The following JPT2 variants were observed in gnomAD, a reference collection of about 807,000 sequenced individuals.
JPT2 encodes the protein CRAMP_1 like.
JPT2 carries 9 observed loss-of-function variants against 15.9 expected under a neutral mutation model. The ratio of observed to expected loss-of-function variants is 0.57; its 90% CI spans 0.34 to 0.99. The LOEUF (loss-of-function observed/expected upper bound fraction) is 0.99, where lower values mean the gene tolerates loss of function less well. Among genes scored for constraint, JPT2 ranks in the 50% least tolerant of loss-of-function variants. The pLI, the probability that JPT2 is intolerant of heterozygous loss-of-function variation, is 0.02. For synonymous variants in JPT2, 95 were observed against 91.7 expected, an observed-to-expected ratio of 1.04 and a Z score of -0.21; for missense variants, 267 against 252.1, an observed-to-expected ratio of 1.06 and a Z score of -0.40.
chr16:1,678,731 C>T (rs983243769), intron 1 of JPT2, among the ~76,000 whole-genome samples: 2 of 150,904 alleles, frequency 1.3e-5, no homozygotes, highest in Non-Finnish European at 2.9e-5. Context: ...CCCGTGGGTG[C>T]GGCCCATTTT....
intron 2 of JPT2, among the ~76,000 whole-genome samples, chr16:1,691,581 C>T (rs997402475): frequency 6.6e-6 from 1 of 152,092 alleles, no homozygotes; most frequent in East Asian, 1.9e-4. Context: ...CAGTTTGATG[C>T]CATCTCACCT....
At chr16:1,695,506 A>G (rs1204022965) in intron 3 of JPT2, among the ~76,000 whole-genome samples, 1 of 151,828 alleles carries the variant, frequency 6.6e-6, no homozygotes, top group Non-Finnish European at 1.5e-5. Flanking sequence ...CAGTTGTTCA[A>G]GGCTGCAGAG....
chr16:1,693,727 C>G (rs1206741761), intron 3 of JPT2, among the ~76,000 whole-genome samples: 4 of 151,432 alleles, frequency 2.6e-5, no homozygotes, highest in Non-Finnish European at 5.9e-5. Flanking sequence ...AGAGAAATGA[C>G]TAATTCCAGG....
chr16:1,694,644 C>T (rs1433944105), intron 3 of JPT2, among the ~76,000 whole-genome samples: 1 of 151,968 alleles, frequency 6.6e-6, no homozygotes, highest in African/African-American at 2.4e-5. Flanking sequence ...GACACACTGA[C>T]CAGTGGAGTC....
rs964473868 is a variant in JPT2, at chr16:1,683,406, C to G, written c.45-2033C>G. The G allele has an allele frequency of 8.6e-5, 63 of 736,300 alleles. 1 individual carries two copies. In the South Asian group the frequency reaches 1.0e-3, roughly 12 times the overall value. The allele number at this position is 736,300 out of a possible 1,614,324, so 45.6% of individuals were successfully genotyped here. ...GATTACAGGTGCCAGGTACTGCTCC[C>G]GGACAGCCCTTTCTCATTTAAGCTT... On this transcript the variant is annotated intron_variant, in intron 1 of 4. Transcript: ENST00000248098.
Position 1,685,526 on chromosome 16 carries a change from A to C in JPT2, c.132A>C (p.Ala44=), listed in dbSNP as rs140567985. 1 of 1,614,164 alleles carries C rather than the reference A, an allele frequency of 6.2e-7. No homozygotes were observed. Among genetic ancestry groups the C allele is most frequent in the Non-Finnish European group, 8.5e-7 (1 of 1,180,038 alleles). ...ATPSSRPNRM[A]SNIFGPTEEP... ...CTTCCAGCAGGCCTAATAGGATGGC[A>C]TCTAATATTTTTGGACCAACAGAAG... The change falls in exon 2 of 5, where the codon GCA becomes GCC. Residue 44 remains alanine (A), a synonymous_variant. Coordinates refer to ENST00000248098, the MANE Select transcript of JPT2 (RefSeq NM_144570.3).
chr16:1,696,074 C>T (rs999977810), intron 3 of JPT2, among the ~76,000 whole-genome samples: 1 of 151,520 alleles, frequency 6.6e-6, no homozygotes, highest in Non-Finnish European at 1.5e-5. Flanking sequence ...ACTAAAAATA[C>T]GAAAACTAGC....
rs1257639810 is a variant in JPT2, at chr16:1,691,976, CA to C, written c.330del (p.Lys110AsnfsTer69). On this transcript the variant is annotated frameshift_variant, in exon 3 of 5. Coordinates refer to ENST00000248098, the MANE Select transcript of JPT2 (RefSeq NM_144570.3). LOFTEE classifies it high-confidence loss of function. ...CCACTTCACGCTTGGCACACCCAAA[CA>C]AACCCAAGGTATGGACTGCATTCAG... ...TATSRLAHPN[K>X]PKDHVFLCEG... is the part of the protein sequence containing the mutation. The C allele has an allele frequency of 6.2e-7, 1 of 1,614,154 alleles. No homozygotes were observed. Among genetic ancestry groups the C allele is most frequent in the Non-Finnish European group, 8.5e-7 (1 of 1,179,996 alleles).
At chr16:1,679,214 G>A (rs1277143724) in intron 1 of JPT2, among the ~76,000 whole-genome samples, 2 of 152,186 alleles carry the variant, frequency 1.3e-5, no homozygotes. Flanking sequence ...AGATGCCTGA[G>A]GTTTTCTGTA....
intron 1 of JPT2, chr16:1,680,405 G>A (rs1299061943): frequency 2.6e-6 from 3 of 1,142,158 alleles, no homozygotes; most frequent in South Asian, 1.7e-5. Context: ...CACTACCCTG[G>A]GGGACTGGTT....
intron 1 of JPT2, 32 bp downstream of exon 1, chr16:1,678,388 A>C: frequency 8.4e-7 from 1 of 1,185,436 alleles, no homozygotes; most frequent in African/African-American, 1.6e-5. Flanking sequence ...AGGCGGGCGG[A>C]TAGCGCGACC....
At position 1,697,793 on chromosome 16, in the gene JPT2, G is replaced by A. The variant is rs559088817; in HGVS notation, c.337-19G>A. 6 of 1,613,232 alleles carry A rather than the reference G, an allele frequency of 3.7e-6. No individual in the cohort carries two copies. The highest frequency in any genetic ancestry group is 4.5e-5 in the East Asian group (2 of 44,890). ...AATTTTCTGAGTGAGTCCTGATTTGGTGGTTTGCCTTGTTGCAGGATCATG... is the reference window on the plus strand; with the variant it reads ...AATTTTCTGAGTGAGTCCTGATTTGATGGTTTGCCTTGTTGCAGGATCATG... On this transcript the variant is annotated intron_variant, in intron 3 of 4. Transcript: ENST00000248098.
intron 1 of JPT2, among the ~76,000 whole-genome samples, chr16:1,683,177 C>G (rs535171277): frequency 4.1e-4 from 63 of 152,156 alleles, no homozygotes; most frequent in Admixed American, 3.5e-3. Flanking sequence ...GGGATTTCAC[C>G]GTGTTAGCCA....
Position 1,692,272 on chromosome 16 carries a change from C to T in JPT2, c.336+287C>T, listed in dbSNP as rs961644935. Reference sequence around the variant, plus strand: ...CTCCTCACTGCAGTGCTGCGGGGCGCGGAGAAGCGGTGGGGAGCGGAACGT... The same window carrying T: ...CTCCTCACTGCAGTGCTGCGGGGCGTGGAGAAGCGGTGGGGAGCGGAACGT... On this transcript the variant is annotated intron_variant, in intron 3 of 4. Coordinates refer to ENST00000248098, the MANE Select transcript of JPT2 (RefSeq NM_144570.3). 2.4e-5 allele frequency: 10 copies of T among 417,562 alleles called. No homozygotes were observed. In the East Asian group the frequency reaches 2.6e-4, roughly 11 times the overall value. 25.9% of individuals were successfully genotyped at this position (417,562 alleles called of 1,614,324 possible). A position where few individuals can be genotyped will look rare whatever the true frequency, so the allele number is the denominator to read the frequency against.
chr16:1,698,741 T>C lies in JPT2; in HGVS notation c.386-70T>C, dbSNP rs1030552498. 1.0e-4 allele frequency: 152 copies of C among 1,476,914 alleles called. No homozygotes were observed. Among genetic ancestry groups the C allele is most frequent in the Non-Finnish European group, 1.3e-4 (140 of 1,102,576 alleles). 91.5% of individuals were successfully genotyped at this position (1,476,914 alleles called of 1,614,324 possible). A position where few individuals can be genotyped will look rare whatever the true frequency, so the allele number is the denominator to read the frequency against. Reference sequence around the variant, plus strand: ...GGTTGCTCTATGACACACTTTTTATTTCCACAGCCTGCCTGTCAGGGTCAT... The same window carrying C: ...GGTTGCTCTATGACACACTTTTTATCTCCACAGCCTGCCTGTCAGGGTCAT... On this transcript the variant is annotated intron_variant, in intron 4 of 4. Coordinates refer to ENST00000248098, the MANE Select transcript of JPT2 (RefSeq NM_144570.3). This position sits in a 1 kb window ranked among gnomAD's most constrained non-coding sequence, Gnocchi z 4.9.
At chr16:1,683,555 C>A (rs117348044) in intron 1 of JPT2, 1 of 1,535,672 alleles carries the variant, frequency 6.5e-7, no homozygotes, top group East Asian at 2.4e-5. Flanking sequence ...CTCCCCCAGC[C>A]TCCTGAGTGG....
chr16:1,683,723 C>A, intron 1 of JPT2: 1 of 659,788 alleles, frequency 1.5e-6, no homozygotes, highest in Non-Finnish European at 2.6e-6. Flanking sequence ...CATCCAGTCA[C>A]AAGGAGCCCT....
intron 3 of JPT2, among the ~76,000 whole-genome samples, chr16:1,695,727 C>T (rs554127597): frequency 2.6e-5 from 4 of 151,908 alleles, no homozygotes; most frequent in South Asian, 2.1e-4. Flanking sequence ...AAAAATTACC[C>T]GGGCATGGTG....
In JPT2 at chr16:1,698,015, A is replaced by G. The variant is rs1390405930; in HGVS notation, c.385+155A>G. Among the ~76,000 whole-genome samples, 7 of 152,226 alleles carry G rather than the reference A, an allele frequency of 4.6e-5. No individual in the cohort carries two copies. Among genetic ancestry groups the G allele is most frequent in the African/African-American group, 1.7e-4 (7 of 41,458 alleles). ...AGGTGTATCCACTGCAAGAGGATTC[A>G]GCATTTGAAGAAGGCTAGGGTGAAA... is the stretch of plus-strand genomic sequence containing the variant. On this transcript the variant is annotated intron_variant, in intron 4 of 4. Transcript: ENST00000248098. The surrounding 1 kb of genome is among the most constrained non-coding windows in gnomAD (Gnocchi z 4.9).
Sources: gnomAD v4.1 joint callset for allele counts (sites outside exome capture counted in the v4.1 genomes callset) on GRCh38, gnomAD v4.1.1 for gene constraint, Gnocchi (gnomAD v3.1) non-coding constraint, MANE v1.5 for transcripts, NCBI Gene and HGNC (gene_info 2026-07-23, HGNC 2026-07-21) for gene names.